Variants in FLRT1 observed in about 807,000 individuals in gnomAD.
FLRT1 encodes leucine-rich repeat transmembrane protein FLRT1.
A neutral mutation model predicts 30.9 loss-of-function variants in FLRT1; 14 were observed. The observed-to-expected ratio is 0.45, with a 90% CI of 0.30 to 0.71. The LOEUF is 0.71. Among genes scored for constraint, FLRT1 ranks in the 30% least tolerant of loss-of-function variants. The pLI is 0.08. For synonymous variants in FLRT1, 368 were observed against 430.4 expected (o/e 0.85, Z 1.80); for missense variants, 737 against 949.2 (o/e 0.78, Z 2.94).
chr11:64,040,971 G>A (rs370239524), intron 1 of FLRT1, among the ~76,000 whole-genome samples: 43 of 152,162 alleles, frequency 2.8e-4, no homozygotes, highest in African/African-American at 9.2e-4. Context: ...ATGGGCAGAC[G>A]GGGTCTATTG....
At chr11:64,075,521 C>G (rs12293397) in intron 1 of FLRT1, among the ~76,000 whole-genome samples, 1 of 152,246 alleles carries the variant, frequency 6.6e-6, no homozygotes, top group African/African-American at 2.4e-5. Context: ...GGGCTCAAAC[C>G]GAGGGAACAG....
chr11:64,108,084 C>T (rs779369223), intron 2 of FLRT1, among the ~76,000 whole-genome samples: 5 of 152,068 alleles, frequency 3.3e-5, no homozygotes, highest in Non-Finnish European at 5.9e-5. Flanking sequence ...GAGGCCGAGG[C>T]GGGCAGATCA....
intron 2 of FLRT1, among the ~76,000 whole-genome samples, chr11:64,109,978 G>A (rs1364867000): frequency 6.6e-6 from 1 of 152,132 alleles, no homozygotes; most frequent in Non-Finnish European, 1.5e-5. Context: ...CAGAGACTTG[G>A]GGCAGCTTTT....
intron 1 of FLRT1, among the ~76,000 whole-genome samples, chr11:64,042,901 G>A (rs1943515786): frequency 6.6e-6 from 1 of 152,194 alleles, no homozygotes; most frequent in Admixed American, 6.5e-5. Flanking sequence ...AGCTCTGCCT[G>A]GTTTATCTTC....
rs1945021577 is a variant in FLRT1 at position 64,117,915 on chromosome 11, A to G, written c.1648A>G (p.Ser550Gly). The change falls in exon 3 of 3, where the codon AGC becomes GGC. Residue 550 changes from serine to glycine, a missense_variant. Transcript: ENST00000682287. Reference sequence around the variant, plus strand: ...GGAGCAGAACGCTGGCCCCATGGCGAGCCTGCCCCTGGCGGGCATCATCGG... The same window carrying G: ...GGAGCAGAACGCTGGCCCCATGGCGGGCCTGCCCCTGGCGGGCATCATCGG... ...NQEQNAGPMA[S>G]LPLAGIIGGA... The G allele has an allele frequency of 6.2e-7, 1 of 1,613,786 alleles. No individual in the cohort carries two copies. Among genetic ancestry groups the G allele is most frequent in the Admixed American group, 1.7e-5 (1 of 60,008 alleles).
intron 1 of FLRT1, among the ~76,000 whole-genome samples, chr11:64,083,233 C>T (rs908098249): frequency 2.6e-5 from 4 of 152,104 alleles, no homozygotes; most frequent in Non-Finnish European, 2.9e-5. Context: ...CTCAGGAGTT[C>T]GAGACCAGCC....
intron 1 of FLRT1, among the ~76,000 whole-genome samples, chr11:64,047,811 C>T (rs1460727201): frequency 1.7e-4 from 26 of 150,816 alleles, no homozygotes; most frequent in African/African-American, 6.1e-4. Flanking sequence ...GCAGGAGAAT[C>T]GCTTGAACCT....
At chr11:64,104,487 C>T (rs1421962872) in intron 2 of FLRT1, among the ~76,000 whole-genome samples, 1 of 152,148 alleles carries the variant, frequency 6.6e-6, no homozygotes, top group African/African-American at 2.4e-5. Flanking sequence ...GTAAATGGCC[C>T]TGCAGCAGGG....
At chr11:64,086,087 G>C (rs997722204) in intron 1 of FLRT1, among the ~76,000 whole-genome samples, 7 of 152,184 alleles carry the variant, frequency 4.6e-5, no homozygotes, top group Admixed American at 3.3e-4. Context: ...TGTGAGCTGA[G>C]TCGGCTGGGC....
chr11:64,071,978 G>A (rs376456575), intron 1 of FLRT1, among the ~76,000 whole-genome samples: 8 of 152,342 alleles, frequency 5.3e-5, no homozygotes, highest in South Asian at 2.1e-4. Flanking sequence ...CGAGGGGAAC[G>A]GGCTGGCTCC....
chr11:64,101,190 C>G (rs573741410), intron 1 of FLRT1, among the ~76,000 whole-genome samples: 2 of 152,090 alleles, frequency 1.3e-5, no homozygotes, highest in Non-Finnish European at 2.9e-5. Context: ...GGGAACAGTA[C>G]AGTGAAGGGC....
At chr11:64,073,800 C>T (rs1183756477) in intron 1 of FLRT1, among the ~76,000 whole-genome samples, 1 of 152,230 alleles carries the variant, frequency 6.6e-6, no homozygotes, top group Non-Finnish European at 1.5e-5. Flanking sequence ...CCAGCAGCCG[C>T]ATCCAGCCCT....
intron 1 of FLRT1, among the ~76,000 whole-genome samples, chr11:64,040,477 TC>T (rs1943464033): frequency 1.3e-5 from 2 of 152,020 alleles, no homozygotes. Context: ...GGCCCATCCA[TC>T]CCCAGCTCTC....
chr11:64,080,891 C>T (rs1944290852), intron 1 of FLRT1, among the ~76,000 whole-genome samples: 1 of 152,180 alleles, frequency 6.6e-6, no homozygotes, highest in South Asian at 2.1e-4. Context: ...GCACTGAGGA[C>T]TCGGGCTGCA....
chr11:64,080,138 G>A (rs1048013006), intron 1 of FLRT1, among the ~76,000 whole-genome samples: 4 of 152,056 alleles, frequency 2.6e-5, no homozygotes, highest in South Asian at 2.1e-4. Context: ...TCAGCCTCCC[G>A]AGTAGCGGGG....
At chr11:64,056,792 G>A (rs1407627703) in intron 1 of FLRT1, among the ~76,000 whole-genome samples, 1 of 152,136 alleles carries the variant, frequency 6.6e-6, no homozygotes, top group African/African-American at 2.4e-5. Flanking sequence ...TGGGCTGAAG[G>A]AAGGGTTCTG....
intron 1 of FLRT1, among the ~76,000 whole-genome samples, chr11:64,077,347 G>A (rs2134479055): frequency 6.6e-6 from 1 of 152,330 alleles, no homozygotes; most frequent in South Asian, 2.1e-4. Context: ...GCTTCCAGAA[G>A]CAATGTCTGG....
rs1410357508 is a variant in FLRT1, at chr11:64,064,058, A to C, written c.-1038+27899A>C. ...ATCTTTGTAGGTTAGCCAGCTTTGA[A>C]CAGCGACACCCACACAAACCCGAGG... is the stretch of plus-strand genomic sequence containing the variant. On this transcript the variant is annotated intron_variant, in intron 1 of 2. Coordinates refer to ENST00000682287, the MANE Select transcript of FLRT1 (RefSeq NM_013280.5). This position sits in a 1 kb window ranked among gnomAD's most constrained non-coding sequence, Gnocchi z 4.5. 6.6e-6 allele frequency among the ~76,000 whole-genome samples: 1 copy of C among 152,132 alleles called. No individual in the cohort carries two copies. Among genetic ancestry groups the C allele is most frequent in the Non-Finnish European group, 1.5e-5 (1 of 68,016 alleles).
Position 64,078,242 on chromosome 11 carries a change from A to C in FLRT1, c.-1037-24952A>C, listed in dbSNP as rs529378486. On this transcript the variant is annotated intron_variant, in intron 1 of 2. Transcript: ENST00000682287. ...CAGTAGGACGTGCCCTCCAGAAGGG[A>C]GGTGGGCAGGTGTGCTCTCAGCACA... Among the ~76,000 whole-genome samples, 291 of 152,206 alleles carry C rather than the reference A, an allele frequency of 1.9e-3. 3 individuals carry two copies. Among genetic ancestry groups the C allele is most frequent in the Middle Eastern group, 0.01 (3 of 294 alleles).
Sources: gnomAD v4.1 joint callset for allele counts (sites outside exome capture counted in the v4.1 genomes callset) on GRCh38, gnomAD v4.1.1 for gene constraint, Gnocchi (gnomAD v3.1) non-coding constraint, MANE v1.5 for transcripts, NCBI Gene and HGNC (gene_info 2026-07-23, HGNC 2026-07-21) for gene names.